ARHGEF3: variants seen among roughly 807,000 people sequenced by gnomAD.
The protein encoded by ARHGEF3 is 59.8 kDA protein.
In ARHGEF3, 28 loss-of-function variants were observed where a neutral mutation model predicts 63.2. The ratio of observed to expected loss-of-function variants is 0.44; its 90% CI spans 0.33 to 0.61. ARHGEF3 has a LOEUF of 0.61. Ranked by LOEUF, ARHGEF3 falls within the 20% of genes least tolerant of loss-of-function variation. ARHGEF3 has a pLI of 0.03. For missense variants in ARHGEF3, 533 were observed against 659.3 expected (o/e 0.81, Z 2.10); for synonymous variants, 266 against 254.2 (o/e 1.05, Z -0.44).
chr3:56,996,994 C>T (rs1478975570), intron 2 of ARHGEF3, among the ~76,000 whole-genome samples: 1 of 150,836 alleles, frequency 6.6e-6, no homozygotes, highest in Non-Finnish European at 1.5e-5. Flanking sequence ...CAATGTGGCT[C>T]AGGGAAGCCA....
chr3:56,797,945 G>A (rs530525302), intron 1 of ARHGEF3, among the ~76,000 whole-genome samples: 95 of 152,346 alleles, frequency 6.2e-4, no homozygotes, highest in Non-Finnish European at 1.1e-3. Context: ...CAGGAAATTT[G>A]ACATTGGATC....
At chr3:56,978,788 C>T (rs1701217961) in intron 2 of ARHGEF3, among the ~76,000 whole-genome samples, 2 of 152,160 alleles carry the variant, frequency 1.3e-5, no homozygotes, top group African/African-American at 4.8e-5. Context: ...AATAAGGGTA[C>T]AGCTCCTAAC....
intron 1 of ARHGEF3, among the ~76,000 whole-genome samples, chr3:57,055,847 C>T (rs1704906439): frequency 6.6e-6 from 1 of 152,204 alleles, no homozygotes; most frequent in African/African-American, 2.4e-5. Flanking sequence ...CAAACTTCCA[C>T]CTTATATAAA....
rs747003453 is a variant in ARHGEF3 at position 56,729,328 on chromosome 3, C to G, written c.1523G>C (p.Arg508Pro). ...ACAGGAAGAGTCTGTCTGTTCCATG[C>G]GCTCACAGTCGAGGCTGACCTCACT... ...DTSEVSLDCE[R>P]MEQTDSSCGN... Residue 508 changes from arginine (R) to proline (P), a missense_variant, in exon 10 of 10, where the codon CGC becomes CCC. Physicochemically the swap from Arg to Pro is moderately radical, Grantham distance 103. Transcript: ENST00000296315. 3 of 1,614,116 alleles carry G rather than the reference C, an allele frequency of 1.9e-6. No individual in the cohort carries two copies. The highest frequency in any genetic ancestry group is 1.7e-6 in the Non-Finnish European group (2 of 1,180,022).
intron 1 of ARHGEF3, among the ~76,000 whole-genome samples, chr3:57,043,576 C>T (rs142190212): frequency 1.4e-3 from 214 of 151,072 alleles, no homozygotes; most frequent in African/African-American, 4.8e-3. Context: ...GGAAGAGCAT[C>T]AAGTCAGCCT....
intron 2 of ARHGEF3, among the ~76,000 whole-genome samples, chr3:56,994,064 C>CAAAAAAA (rs60299557): frequency 0.011 from 668 of 59,690 alleles, 127 homozygotes; most frequent in Non-Finnish European, 0.018. Flanking sequence ...AACTTCGTCT[C>CAAAAAAA]AAAAAAAAAA....
intron 2 of ARHGEF3, among the ~76,000 whole-genome samples, chr3:57,002,491 ATATAT>A (rs1702266780): frequency 2.9e-5 from 1 of 34,548 alleles, no homozygotes; most frequent in Admixed American, 4.8e-4. Flanking sequence ...ATATATATAT[ATATAT>A]GTTATATATA....
intron 4 of ARHGEF3, among the ~76,000 whole-genome samples, chr3:56,826,492 T>C (rs1239435224): frequency 2.0e-5 from 3 of 152,180 alleles, no homozygotes; most frequent in Non-Finnish European, 2.9e-5. Context: ...TAATAACCTA[T>C]TGATACAGCC....
At position 56,992,491 on chromosome 3, in the gene ARHGEF3, A is replaced by C. The variant is rs574888151; in HGVS notation, c.63-33602T>G. ...TACCAACATTATGAACTGACTGTCA[A>C]CTTGAGTCCCTTCTGTCTGCTCCAG... On this transcript the variant is annotated intron_variant, in intron 2 of 12. Coordinates refer to the ARHGEF3 transcript ENST00000338458. 5.3e-5 allele frequency among the ~76,000 whole-genome samples: 8 copies of C among 150,328 alleles called. No individual in the cohort carries two copies. The South Asian group carries it at 1.7e-3, about 32-fold the overall frequency.
At chr3:56,988,104 CT>C (rs569230376) in intron 2 of ARHGEF3, among the ~76,000 whole-genome samples, 280 of 152,216 alleles carry the variant, frequency 1.8e-3, no homozygotes, top group African/African-American at 6.5e-3. Context: ...CCTCTTGGGA[CT>C]TTAAGAGGGT....
chr3:56,868,330 A>C (rs980617403), intron 4 of ARHGEF3, among the ~76,000 whole-genome samples: 2 of 151,588 alleles, frequency 1.3e-5, no homozygotes, highest in Admixed American at 1.3e-4. Flanking sequence ...AAAGCAAATA[A>C]GTTAATTTCA....
At chr3:57,042,161 G>A (rs71623875) in intron 1 of ARHGEF3, among the ~76,000 whole-genome samples, 15,911 of 152,148 alleles carry the variant, frequency 0.1, 997 homozygotes, top group South Asian at 0.16. Context: ...CAAATGAAAA[G>A]TTCCTATGCC....
intron 2 of ARHGEF3, among the ~76,000 whole-genome samples, chr3:57,030,224 G>A (rs1269711522): frequency 6.6e-6 from 1 of 152,192 alleles, no homozygotes; most frequent in African/African-American, 2.4e-5. Flanking sequence ...CACACGGGGA[G>A]GGCCTGGGCC....
chr3:56,963,770 G>A (rs1700372900), intron 2 of ARHGEF3, among the ~76,000 whole-genome samples: 1 of 152,172 alleles, frequency 6.6e-6, no homozygotes, highest in South Asian at 2.1e-4. Flanking sequence ...CACTTAAGAA[G>A]ATAATGGCTT....
intron 3 of ARHGEF3, among the ~76,000 whole-genome samples, chr3:56,927,482 A>G (rs1578863459): frequency 6.6e-6 from 1 of 152,046 alleles, no homozygotes; most frequent in East Asian, 1.9e-4. Flanking sequence ...ACATAAACTT[A>G]TATTTTAAAT....
At chr3:57,012,329 G>T (rs555045711) in intron 2 of ARHGEF3, among the ~76,000 whole-genome samples, 1 of 152,262 alleles carries the variant, frequency 6.6e-6, no homozygotes, top group South Asian at 2.1e-4. Context: ...TGTGCTCTTG[G>T]CTCACTGCAA....
intron 4 of ARHGEF3, among the ~76,000 whole-genome samples, chr3:56,879,790 T>C (rs2040707171): frequency 6.6e-6 from 1 of 152,198 alleles, no homozygotes; most frequent in African/African-American, 2.4e-5. Context: ...TTCCTTTGAG[T>C]AGCCCACAGA....
intron 2 of ARHGEF3, among the ~76,000 whole-genome samples, chr3:57,016,114 C>T (rs1469119229): frequency 6.6e-6 from 1 of 152,222 alleles, no homozygotes; most frequent in Non-Finnish European, 1.5e-5. Flanking sequence ...AACTATCTTT[C>T]TGCCATTTGT....
intron 4 of ARHGEF3, among the ~76,000 whole-genome samples, chr3:56,838,636 C>T (rs1019637290): frequency 1.2e-4 from 19 of 152,086 alleles, no homozygotes; most frequent in African/African-American, 4.6e-4. Context: ...CAGACAAAAA[C>T]GCTGATAGCA....
Sources: allele counts gnomAD v4.1 joint callset (sites outside exome capture counted in the v4.1 genomes callset), GRCh38; gene constraint gnomAD v4.1.1; transcripts MANE v1.5; gene names NCBI Gene and HGNC (gene_info 2026-07-23, HGNC 2026-07-21).